The following CAGE1 variants were observed in gnomAD, a reference collection of about 807,000 sequenced individuals.
CAGE1 encodes the protein cancer-associated gene 1 protein.
Under a neutral mutation model 94.9 loss-of-function variants are expected in CAGE1, and 66 were observed. The ratio of observed to expected loss-of-function variants is 0.70; its 90% CI spans 0.57 to 0.85. The LOEUF (loss-of-function observed/expected upper bound fraction) is 0.85, where lower values mean the gene tolerates loss of function less well. Among genes scored for constraint, CAGE1 ranks in the 40% least tolerant of loss-of-function variants. CAGE1 has a pLI of 0.00. For missense variants in CAGE1, 865 were observed against 950.4 expected (o/e 0.91, Z 1.18); for synonymous variants, 319 against 321.0 (o/e 0.99, Z 0.07).
chr6:7,352,337 A>C (rs1285625383), intron 11 of CAGE1, among the ~76,000 whole-genome samples: 3 of 150,892 alleles, frequency 2.0e-5, no homozygotes, highest in Non-Finnish European at 3.0e-5. Context: ...AACCTAACCA[A>C]AGAGTCGAAA....
In CAGE1 at chr6:7,355,979, A is replaced by G. The variant is rs771029633; in HGVS notation, c.2298+46T>C. ...TGCACTGTACTTCGGCCTGGGTGACAGAGTGAGATCTTGTCTCAAAATACA... is the reference window on the plus strand; with the variant it reads ...TGCACTGTACTTCGGCCTGGGTGACGGAGTGAGATCTTGTCTCAAAATACA... On this transcript the variant is annotated intron_variant, in intron 10 of 13. Coordinates refer to ENST00000502583, the MANE Select transcript of CAGE1 (RefSeq NM_001170692.2). The G allele has an allele frequency of 2.3e-5, 26 of 1,108,056 alleles. No homozygotes were observed. The South Asian group carries it at 3.5e-4, about 15-fold the overall frequency. The allele number at this position is 1,108,056 out of a possible 1,614,324, so 68.6% of individuals were successfully genotyped here.
chr6:7,348,896 C>T (rs904346495), intron 11 of CAGE1, among the ~76,000 whole-genome samples: 8 of 152,072 alleles, frequency 5.3e-5, no homozygotes, highest in African/African-American at 1.9e-4. Context: ...AACAAAGCCT[C>T]CAAGAAGTCT....
intron 3 of CAGE1, among the ~76,000 whole-genome samples, chr6:7,379,933 G>A (rs1004384314): frequency 2.0e-5 from 3 of 152,078 alleles, no homozygotes; most frequent in Non-Finnish European, 1.5e-5. Context: ...TTAGCTGTTT[G>A]AAAATACACA....
intron 11 of CAGE1, among the ~76,000 whole-genome samples, chr6:7,351,007 T>C (rs977667626): frequency 6.6e-6 from 1 of 151,964 alleles, no homozygotes. Flanking sequence ...AATTGATAGA[T>C]CATTTATTAG....
At chr6:7,326,964 C>A in intron 13 of CAGE1, 65 bp from the exon 14 acceptor site, 1 of 1,187,304 alleles carries the variant, frequency 8.4e-7, no homozygotes, top group South Asian at 1.2e-5. Flanking sequence ...TGACAGAACC[C>A]CTAAACAGCC....
chr6:7,339,353 T>C lies in CAGE1; in HGVS notation c.2370-5263A>G. On this transcript the variant is annotated intron_variant, in intron 11 of 13. Transcript: ENST00000502583. This position sits in a 1 kb window ranked among gnomAD's most constrained non-coding sequence, Gnocchi z 4.7. ...CTGGAGAGCCAAACCTCTTCTGAAC[T>C]ACAGCAGTCAGTTCCCGAATCCGCC... is the stretch of plus-strand genomic sequence containing the variant. The C allele has an allele frequency of 6.2e-7, 1 of 1,609,076 alleles. No individual in the cohort carries two copies. Among genetic ancestry groups the C allele is most frequent in the Non-Finnish European group, 8.5e-7 (1 of 1,175,960 alleles).
Position 7,389,562 on chromosome 6 carries a change from G to C in CAGE1, c.-384C>G, listed in dbSNP as rs942809933. The C allele has an allele frequency of 6.0e-6, 2 of 334,890 alleles. No individual in the cohort carries two copies. The highest frequency in any genetic ancestry group is 1.2e-5 in the Non-Finnish European group (2 of 167,494). 20.7% of individuals were successfully genotyped at this position (334,890 alleles called of 1,614,324 possible). On this transcript the variant is annotated 5_prime_UTR_variant, in exon 1 of 14. Coordinates refer to ENST00000502583, the MANE Select transcript of CAGE1 (RefSeq NM_001170692.2). Reference sequence around the variant, plus strand: ...GAAGTTAGGAAGGTACGACCCCCTAGGCCGAACAGCCTGTGGGCTAGCTGG... The same window carrying C: ...GAAGTTAGGAAGGTACGACCCCCTACGCCGAACAGCCTGTGGGCTAGCTGG...
At chr6:7,355,185 T>A (rs1464141431) in intron 10 of CAGE1, 74 bp from the exon 11 acceptor site, 2 of 986,534 alleles carry the variant, frequency 2.0e-6, no homozygotes, top group Non-Finnish European at 3.0e-6. Flanking sequence ...TGACTACAAG[T>A]TGAAGCTTAA....
chr6:7,339,196 A>T lies in CAGE1; in HGVS notation c.2370-5106T>A. 1 of 1,518,338 alleles carries T rather than the reference A, an allele frequency of 6.6e-7. No homozygotes were observed. The highest frequency in any genetic ancestry group is 9.1e-7 in the Non-Finnish European group (1 of 1,094,094). The allele number at this position is 1,518,338 out of a possible 1,614,324, so 94.1% of individuals were successfully genotyped here. A position where few individuals can be genotyped will look rare whatever the true frequency, so the allele number is the denominator to read the frequency against. ...CCTTTGGCCCCAGTTTCCATGATGAACCGCGACACACCATAGCAGGCCCTC... is the reference window on the plus strand; with the variant it reads ...CCTTTGGCCCCAGTTTCCATGATGATCCGCGACACACCATAGCAGGCCCTC... On this transcript the variant is annotated intron_variant, in intron 11 of 13. Coordinates refer to ENST00000502583, the MANE Select transcript of CAGE1 (RefSeq NM_001170692.2). The surrounding 1 kb of genome is among the most constrained non-coding windows in gnomAD (Gnocchi z 4.7).
chr6:7,364,999 G>A (rs902876156), intron 9 of CAGE1, among the ~76,000 whole-genome samples: 3 of 151,962 alleles, frequency 2.0e-5, no homozygotes, highest in African/African-American at 7.2e-5. Context: ...TTCCTAAATT[G>A]CTCTATAAGT....
intron 5 of CAGE1, among the ~76,000 whole-genome samples, chr6:7,370,348 C>T (rs1408137476): frequency 1.3e-5 from 2 of 152,056 alleles, no homozygotes; most frequent in Non-Finnish European, 2.9e-5. Flanking sequence ...GGCTGGAGTG[C>T]AGTAGTGTGA....
At chr6:7,336,010 C>T (rs1444300949) in intron 11 of CAGE1, among the ~76,000 whole-genome samples, 19 of 152,112 alleles carry the variant, frequency 1.2e-4, no homozygotes, top group Non-Finnish European at 1.5e-5. Context: ...TAGAATATAA[C>T]TTGTAGATTG....
At chr6:7,363,992 A>G (rs1324741343) in intron 9 of CAGE1, among the ~76,000 whole-genome samples, 1 of 152,220 alleles carries the variant, frequency 6.6e-6, no homozygotes, top group Non-Finnish European at 1.5e-5. Context: ...GGGTTTGTAC[A>G]TCAAAGCCTA....
intron 11 of CAGE1, chr6:7,341,480 T>C: frequency 8.7e-7 from 1 of 1,143,990 alleles, no homozygotes. Flanking sequence ...AAATTCCAGG[T>C]ATTCCATCGC....
rs143072717 is a variant in CAGE1, at chr6:7,375,694, T to C, written c.688-1563A>G. On this transcript the variant is annotated intron_variant, in intron 4 of 13. Transcript: ENST00000502583. ...TGATCACACTGCTCTCCAATCTGAG[T>C]AACAGAGCAAGACACCTTGTATCTA... Among the ~76,000 whole-genome samples the C allele has an allele frequency of 2.6e-3, 402 of 152,228 alleles. 4 individuals carry two copies. Among genetic ancestry groups the C allele is most frequent in the African/African-American group, 9.2e-3 (382 of 41,554 alleles).
At chr6:7,341,519 G>A (rs1759174150) in intron 11 of CAGE1, 1 of 1,237,340 alleles carries the variant, frequency 8.1e-7, no homozygotes, top group Admixed American at 1.7e-5. Flanking sequence ...TCACCCAGAA[G>A]ATTCTGAGGG....
At chr6:7,375,474 T>C (rs1376754258) in intron 4 of CAGE1, among the ~76,000 whole-genome samples, 1 of 150,958 alleles carries the variant, frequency 6.6e-6, no homozygotes, top group Non-Finnish European at 1.5e-5. Context: ...CAGTGGCTCA[T>C]ACCTGTAATC....
intron 11 of CAGE1, among the ~76,000 whole-genome samples, chr6:7,348,329 C>T (rs1381627330): frequency 1.3e-5 from 2 of 152,160 alleles, no homozygotes; most frequent in East Asian, 1.9e-4. Context: ...AGGTAACAAT[C>T]ACTGCAGCTC....
intron 11 of CAGE1, among the ~76,000 whole-genome samples, chr6:7,347,076 C>T (rs1759576087): frequency 6.6e-6 from 1 of 152,146 alleles, no homozygotes; most frequent in Non-Finnish European, 1.5e-5. Flanking sequence ...GGGCAATCCT[C>T]ATGGTGGACG....
Sources: allele counts gnomAD v4.1 joint callset (sites outside exome capture counted in the v4.1 genomes callset), GRCh38; gene constraint gnomAD v4.1.1; non-coding constraint Gnocchi (gnomAD v3.1); transcripts MANE v1.5; gene names NCBI Gene and HGNC (gene_info 2026-07-23, HGNC 2026-07-21).